Variants in ANAPC10 observed in about 807,000 individuals in gnomAD.
The protein encoded by ANAPC10 is anaphase promoting complex subunit 10, also known as anaphase-promoting complex subunit 10.
Under a neutral mutation model 22.0 loss-of-function variants are expected in ANAPC10, and 12 were observed. The observed-to-expected ratio is 0.55, with a 90% CI of 0.35 to 0.88. The LOEUF (loss-of-function observed/expected upper bound fraction) is 0.88, where lower values mean the gene tolerates loss of function less well. Among genes scored for constraint, ANAPC10 ranks in the 40% least tolerant of loss-of-function variants. The pLI, the probability that ANAPC10 is intolerant of heterozygous loss-of-function variation, is 0.01. For missense variants in ANAPC10, 188 were observed against 220.9 expected (o/e 0.85, Z 0.94); for synonymous variants, 65 against 69.5 (o/e 0.94, Z 0.32).
intron 4 of ANAPC10, among the ~76,000 whole-genome samples, chr4:145,046,995 A>G (rs2127173142): frequency 6.6e-6 from 1 of 152,254 alleles, no homozygotes; most frequent in African/African-American, 2.4e-5. Context: ...GATGGGCGTA[A>G]AGTTATATTG....
chr4:145,054,312 G>T (rs569144645), intron 4 of ANAPC10, among the ~76,000 whole-genome samples: 66 of 150,998 alleles, frequency 4.4e-4, no homozygotes, highest in African/African-American at 1.3e-3. Context: ...AGCACTTTGG[G>T]AGGCCGAGGA....
chr4:145,033,834 A>C (rs980231645), intron 4 of ANAPC10, among the ~76,000 whole-genome samples: 1 of 152,246 alleles, frequency 6.6e-6, no homozygotes, highest in Admixed American at 6.5e-5. Context: ...TGTAACTGTC[A>C]TGAGTTCCTT....
chr4:145,003,999 A>G (rs1320603418), intron 4 of ANAPC10, among the ~76,000 whole-genome samples: 1 of 151,928 alleles, frequency 6.6e-6, no homozygotes, highest in Non-Finnish European at 1.5e-5. Flanking sequence ...ATGTGTTTGT[A>G]TCATCTCTGA....
At chr4:145,023,739 G>A (rs1290378095) in intron 4 of ANAPC10, among the ~76,000 whole-genome samples, 2 of 152,156 alleles carry the variant, frequency 1.3e-5, no homozygotes, top group Non-Finnish European at 2.9e-5. Context: ...CTTTTTGCTG[G>A]TGTAAGGTCT....
intron 4 of ANAPC10, among the ~76,000 whole-genome samples, chr4:145,040,986 C>T (rs1458469508): frequency 1.3e-5 from 2 of 152,014 alleles, no homozygotes; most frequent in African/African-American, 2.4e-5. Flanking sequence ...CAGATCTACG[C>T]AGAGGTAAAA....
chr4:145,013,948 C>G (rs1347291325), intron 4 of ANAPC10, among the ~76,000 whole-genome samples: 1 of 152,060 alleles, frequency 6.6e-6, no homozygotes, highest in African/African-American at 2.4e-5. Flanking sequence ...GCTGGGTCCC[C>G]AGGCAGGCCA....
At chr4:145,071,518 T>C (rs1039090649) in intron 3 of ANAPC10, among the ~76,000 whole-genome samples, 1 of 152,078 alleles carries the variant, frequency 6.6e-6, no homozygotes, top group African/African-American at 2.4e-5. Context: ...GAATATTAAA[T>C]AAATAATATT....
intron 4 of ANAPC10, among the ~76,000 whole-genome samples, chr4:145,047,444 G>A (rs910696802): frequency 6.6e-6 from 1 of 152,046 alleles, no homozygotes; most frequent in African/African-American, 2.4e-5. Flanking sequence ...ATAACTTCAG[G>A]TTAAATGGAG....
chr4:145,074,381 C>T (rs1744905580), intron 3 of ANAPC10, among the ~76,000 whole-genome samples: 1 of 151,812 alleles, frequency 6.6e-6, no homozygotes, highest in Admixed American at 6.6e-5. Flanking sequence ...ATATTCTATT[C>T]AAATTTTTAT....
intron 4 of ANAPC10, among the ~76,000 whole-genome samples, chr4:145,008,373 G>C (rs1733755866): frequency 6.6e-6 from 1 of 152,154 alleles, no homozygotes; most frequent in African/African-American, 2.4e-5. Flanking sequence ...GTCTGGCACA[G>C]ACACAACAAG....
chr4:145,046,860 A>G (rs1037970495), intron 4 of ANAPC10, among the ~76,000 whole-genome samples: 5 of 152,250 alleles, frequency 3.3e-5, no homozygotes, highest in Admixed American at 6.5e-5. Flanking sequence ...TCCATTTTCC[A>G]TAACTTGAGC....
chr4:145,006,100 G>T (rs772398161), intron 4 of ANAPC10, among the ~76,000 whole-genome samples: 24 of 152,192 alleles, frequency 1.6e-4, no homozygotes, highest in Admixed American at 2.0e-4. Flanking sequence ...CTCTTTGTAG[G>T]TCTCTAAGAA....
intron 4 of ANAPC10, among the ~76,000 whole-genome samples, chr4:145,055,914 A>G (rs1015414089): frequency 1.3e-5 from 2 of 152,208 alleles, no homozygotes; most frequent in Non-Finnish European, 2.9e-5. Context: ...ATTTTGTGGT[A>G]TATGTTTTTT....
chr4:145,062,584 G>A (rs1242441025), intron 4 of ANAPC10, among the ~76,000 whole-genome samples: 2 of 151,944 alleles, frequency 1.3e-5, no homozygotes, highest in Non-Finnish European at 2.9e-5. Context: ...TCCAGTGTGG[G>A]TGACAGAGTA....
intron 4 of ANAPC10, among the ~76,000 whole-genome samples, chr4:145,002,965 G>C (rs370805837): frequency 6.6e-6 from 1 of 152,240 alleles, no homozygotes; most frequent in East Asian, 1.9e-4. Context: ...TAGTCACCCA[G>C]GTAGTAGGCA....
intron 4 of ANAPC10, among the ~76,000 whole-genome samples, chr4:145,001,527 G>T (rs747606011): frequency 2.0e-5 from 3 of 152,118 alleles, no homozygotes; most frequent in African/African-American, 7.2e-5. Context: ...GAGTTTTGAC[G>T]ATGTATAGTT....
chr4:145,001,464 G>T (rs1056913897), intron 4 of ANAPC10, among the ~76,000 whole-genome samples: 1 of 152,148 alleles, frequency 6.6e-6, no homozygotes, highest in Non-Finnish European at 1.5e-5. Context: ...AGGGGAAAGA[G>T]AAATTGAAAT....
intron 2 of ANAPC10, among the ~76,000 whole-genome samples, chr4:145,092,906 C>T (rs1747904845): frequency 6.6e-6 from 1 of 152,158 alleles, no homozygotes; most frequent in South Asian, 2.1e-4. Context: ...GAGGGGCAAA[C>T]AACAGTCCTT....
chr4:145,034,922 G>T (rs963154243), intron 4 of ANAPC10, among the ~76,000 whole-genome samples: 2 of 152,122 alleles, frequency 1.3e-5, no homozygotes, highest in Non-Finnish European at 2.9e-5. Flanking sequence ...GAACAAACAT[G>T]GTGATGGATT....
Sources: allele counts gnomAD v4.1 joint callset (sites outside exome capture counted in the v4.1 genomes callset), GRCh38; gene constraint gnomAD v4.1.1; transcripts MANE v1.5; gene names NCBI Gene and HGNC (gene_info 2026-07-23, HGNC 2026-07-21).